The following SAFB variants were observed in gnomAD, a reference collection of about 807,000 sequenced individuals.
SAFB encodes the protein scaffold attachment factor B.
In SAFB, 15 loss-of-function variants were observed where a neutral mutation model predicts 101.6. The observed-to-expected ratio is 0.15, with a 90% CI of 0.10 to 0.23. The LOEUF (loss-of-function observed/expected upper bound fraction) is 0.23, where lower values mean the gene tolerates loss of function less well. SAFB is among the 10% of genes least tolerant of loss of function. SAFB has a pLI of 1.00. For synonymous variants in SAFB, 449 were observed against 407.5 expected (o/e 1.10, Z -1.23); for missense variants, 930 against 1,104.1 (o/e 0.84, Z 2.23).
chr19:5,631,682 A>T (rs570124656), intron 2 of SAFB, among the ~76,000 whole-genome samples: 2 of 152,248 alleles, frequency 1.3e-5, no homozygotes, highest in South Asian at 2.1e-4. Flanking sequence ...CATTTTTTTT[A>T]AAAACTGCTT....
chr19:5,656,928 GC>G (rs2054076455), intron 13 of SAFB, among the ~76,000 whole-genome samples: 1 of 151,892 alleles, frequency 6.6e-6, no homozygotes, highest in Admixed American at 6.6e-5. Context: ...CCACCACTAT[GC>G]CCGGCTAATT....
chr19:5,656,872 G>A (rs2054074793), intron 13 of SAFB, among the ~76,000 whole-genome samples: 4 of 151,894 alleles, frequency 2.6e-5, no homozygotes, highest in Non-Finnish European at 5.9e-5. Flanking sequence ...CCGGGTTCAC[G>A]CCATTCTCCT....
intron 2 of SAFB, among the ~76,000 whole-genome samples, chr19:5,636,177 G>C (rs2053591640): frequency 6.6e-6 from 1 of 151,992 alleles, no homozygotes; most frequent in African/African-American, 2.4e-5. Context: ...GGAAAACCCT[G>C]ATTCTGTTTG....
In SAFB at chr19:5,667,513, C is replaced by T. The variant is rs573245602; in HGVS notation, c.2557+63C>T. On this transcript the variant is annotated intron_variant, in intron 19 of 20. Transcript: ENST00000588852. This position sits in a 1 kb window ranked among gnomAD's most constrained non-coding sequence, Gnocchi z 4.0. ...GGGAGTGATGGAAAGATGGAGGCCG[C>T]GCCTTCTCTCCTTGGGGGAGCACAG... 1.4e-5 allele frequency: 17 copies of T among 1,178,210 alleles called. No homozygotes were observed. In the East Asian group the frequency reaches 1.8e-4, roughly 13 times the overall value. 73.0% of individuals were successfully genotyped at this position (1,178,210 alleles called of 1,614,324 possible).
chr19:5,645,454 T>C, intron 5 of SAFB, 55 bp downstream of exon 5: 1 of 843,536 alleles, frequency 1.2e-6, no homozygotes, highest in Non-Finnish European at 2.0e-6. Flanking sequence ...CCACAATTTC[T>C]GGAATCCATT....
intron 16 of SAFB, 117 bp from the exon 17 acceptor site, chr19:5,664,280 C>T (rs1006440885): frequency 1.6e-5 from 22 of 1,417,510 alleles, no homozygotes; most frequent in Middle Eastern, 1.8e-4. Context: ...GAGTCAGACC[C>T]GCAGGTCTCC....
At chr19:5,664,187 G>T (rs749621015) in intron 16 of SAFB, 28 bp downstream of exon 16, 1 of 1,608,782 alleles carries the variant, frequency 6.2e-7, no homozygotes, top group Non-Finnish European at 8.5e-7. Context: ...TGGGCGTGCG[G>T]GTTTTCTTTT....
chr19:5,655,701 A>T (rs2054043987), intron 13 of SAFB, among the ~76,000 whole-genome samples: 1 of 152,160 alleles, frequency 6.6e-6, no homozygotes, highest in South Asian at 2.1e-4. Flanking sequence ...CGGATTGCTT[A>T]GGAGCTTTCA....
chr19:5,623,455 G>A (rs1361425748), intron 1 of SAFB, 61 bp downstream of exon 1: 2 of 1,442,416 alleles, frequency 1.4e-6, no homozygotes, highest in African/African-American at 3.0e-5. Context: ...GGCCGCGACG[G>A]TGGCTCGCGG....
At chr19:5,645,230 T>C (rs1307121276) in intron 4 of SAFB, 107 bp from the exon 5 acceptor site, 1 of 592,952 alleles carries the variant, frequency 1.7e-6, no homozygotes, top group Non-Finnish European at 3.1e-6. Flanking sequence ...GTTTAAAATT[T>C]TGTTGTGAAT....
Position 5,667,317 on chromosome 19 carries a change from A to G in SAFB, c.2454-30A>G, listed in dbSNP as rs1336482442. On this transcript the variant is annotated intron_variant, in intron 18 of 20. Coordinates refer to ENST00000588852, the MANE Select transcript of SAFB (RefSeq NM_001201338.2). The surrounding 1 kb of genome is among the most constrained non-coding windows in gnomAD (Gnocchi z 4.0). The stretch of plus-strand genomic sequence containing the variant: ...TAGCACAAGAGCCAGAGATGGGGGC[A>G]ATCCAAATCAGAGATGTCTCTCTTT... 1.9e-5 allele frequency: 28 copies of G among 1,439,566 alleles called. No homozygotes were observed. The highest frequency in any genetic ancestry group is 2.3e-5 in the Non-Finnish European group (25 of 1,081,204). The allele number at this position is 1,439,566 out of a possible 1,614,324, so 89.2% of individuals were successfully genotyped here.
At chr19:5,666,810 C>T (rs2054336337) in intron 17 of SAFB, 1 of 583,834 alleles carries the variant, frequency 1.7e-6, no homozygotes, top group South Asian at 1.9e-5. Context: ...TGGGGACCTG[C>T]CTTGGAGATG....
chr19:5,659,281 G>A (rs1018619599), intron 14 of SAFB, among the ~76,000 whole-genome samples: 1 of 152,098 alleles, frequency 6.6e-6, no homozygotes, highest in Non-Finnish European at 1.5e-5. Flanking sequence ...CTCCAGCCTG[G>A]GCAACAAGAG....
intron 2 of SAFB, among the ~76,000 whole-genome samples, chr19:5,639,995 AC>A (rs1326923002): frequency 6.6e-6 from 1 of 150,730 alleles, no homozygotes; most frequent in African/African-American, 2.4e-5. Context: ...GCCCCACCAC[AC>A]CTGGCTAATT....
intron 2 of SAFB, among the ~76,000 whole-genome samples, chr19:5,638,893 T>C (rs1358441017): frequency 6.6e-6 from 1 of 151,530 alleles, no homozygotes; most frequent in African/African-American, 2.4e-5. Context: ...CTAATTTTTT[T>C]GTATTTTTAG....
chr19:5,653,516 G>A, intron 11 of SAFB, 96 bp downstream of exon 11: 1 of 1,054,522 alleles, frequency 9.5e-7, no homozygotes, highest in South Asian at 1.4e-5. Flanking sequence ...GCCCAGACTG[G>A]AGTGCAGTGG....
At chr19:5,647,661 T>C (rs4807046) in intron 5 of SAFB, among the ~76,000 whole-genome samples, 2,569 of 152,320 alleles carry the variant, frequency 0.017, 43 homozygotes, top group East Asian at 0.028. Context: ...AAAAAGTGAC[T>C]GTTAATGTGC....
In SAFB at chr19:5,667,219, C is replaced by A; in HGVS notation, c.2453+55C>A. On this transcript the variant is annotated intron_variant, in intron 18 of 20. Transcript: ENST00000588852. The surrounding 1 kb of genome is among the most constrained non-coding windows in gnomAD (Gnocchi z 4.0). ...CCCCCCCCCCGCCCACAAGGGGGCC[C>A]GCAAGTCGCTGGGATGTGGGCACAG... 7.8e-7 allele frequency: 1 copy of A among 1,284,264 alleles called. No individual in the cohort carries two copies. The highest frequency in any genetic ancestry group is 1.1e-6 in the Non-Finnish European group (1 of 924,580). 79.6% of individuals were successfully genotyped at this position (1,284,264 alleles called of 1,614,324 possible).
chr19:5,630,122 C>T (rs1380084701), intron 2 of SAFB, among the ~76,000 whole-genome samples: 1 of 152,230 alleles, frequency 6.6e-6, no homozygotes, highest in Non-Finnish European at 1.5e-5. Flanking sequence ...CTAAACTCAA[C>T]ATCAAACTTA....
Sources: allele counts gnomAD v4.1 joint callset (sites outside exome capture counted in the v4.1 genomes callset), GRCh38; gene constraint gnomAD v4.1.1; non-coding constraint Gnocchi (gnomAD v3.1); transcripts MANE v1.5; gene names NCBI Gene and HGNC (gene_info 2026-07-23, HGNC 2026-07-21).